APP: variants seen among roughly 807,000 people sequenced by gnomAD.
APP encodes amyloid beta precursor protein.
APP carries 31 observed loss-of-function variants against 101.4 expected under a neutral mutation model. That is an observed-to-expected ratio of 0.31 (90% CI 0.23 to 0.41). The LOEUF (loss-of-function observed/expected upper bound fraction) is 0.41. Among genes scored for constraint, APP ranks in the 10% least tolerant of loss-of-function variants. The probability of loss-of-function intolerance (pLI) is 1.00; values close to 1 mark genes in which losing one functional copy is unlikely to be tolerated. For missense variants in APP, 839 were observed against 1,003.7 expected (o/e 0.84, Z 2.22); for synonymous variants, 366 against 364.4 (o/e 1.00, Z -0.05).
Position 26,004,898 on chromosome 21 carries a change from CAG to C in APP, c.866-4718_866-4717del, listed in dbSNP as rs530737663. 2.9e-3 allele frequency among the ~76,000 whole-genome samples: 430 copies of C among 146,216 alleles called. 6 individuals are homozygous for C. Among genetic ancestry groups the C allele is most frequent in the African/African-American group, 0.01 (413 of 39,624 alleles). On this transcript the variant is annotated intron_variant, in intron 6 of 17. Coordinates refer to ENST00000346798, the MANE Select transcript of APP (RefSeq NM_000484.4). ...ATTTCCACCTATGAGTGAGAACATGCAGAGTTTGGTTTTCTGTCCTTGTGATA... is the reference window on the plus strand; with the variant it reads ...ATTTCCACCTATGAGTGAGAACATGCAGTTTGGTTTTCTGTCCTTGTGATA...
intron 13 of APP, among the ~76,000 whole-genome samples, chr21:25,930,294 T>C (rs756445441): frequency 3.3e-5 from 5 of 152,190 alleles, no homozygotes; most frequent in African/African-American, 1.2e-4. Flanking sequence ...AGAAGGATCC[T>C]GGGGCGGGCC....
chr21:26,051,659 T>C (rs1341257193), intron 4 of APP, among the ~76,000 whole-genome samples: 1 of 152,208 alleles, frequency 6.6e-6, no homozygotes, highest in Non-Finnish European at 1.5e-5. Context: ...CTTGGTTCAC[T>C]TTCAGAGTAA....
chr21:26,150,597 C>CTAGATAGATAGATAGATAGA (rs767289054), intron 1 of APP, among the ~76,000 whole-genome samples: 6 of 83,376 alleles, frequency 7.2e-5, no homozygotes, highest in Admixed American at 1.2e-4. Context: ...TGATTGACAT[C>CTAGATAGATAGATAGATAGA]TAGATAGACA....
At chr21:26,016,160 A>G (rs1214267046) in intron 6 of APP, among the ~76,000 whole-genome samples, 1 of 151,978 alleles carries the variant, frequency 6.6e-6, no homozygotes, top group African/African-American at 2.4e-5. Flanking sequence ...CCACCTGAGT[A>G]GCTGGGATTA....
At chr21:26,130,239 T>C (rs1268342858) in intron 1 of APP, among the ~76,000 whole-genome samples, 1 of 152,270 alleles carries the variant, frequency 6.6e-6, no homozygotes, top group African/African-American at 2.4e-5. Context: ...CATGTACTGC[T>C]TTTTTAAAAA....
intron 3 of APP, among the ~76,000 whole-genome samples, chr21:26,073,582 A>C (rs1476562249): frequency 6.6e-6 from 1 of 152,198 alleles, no homozygotes; most frequent in Non-Finnish European, 1.5e-5. Context: ...GCGAGGGTGG[A>C]AGTTAAAGGA....
intron 6 of APP, among the ~76,000 whole-genome samples, chr21:26,012,882 A>C (rs1407688844): frequency 1.3e-5 from 2 of 152,188 alleles, no homozygotes; most frequent in African/African-American, 2.4e-5. Context: ...CTGAGGCAGG[A>C]GAATTGAGAA....
At chr21:26,007,401 CTT>C (rs920197210) in intron 6 of APP, among the ~76,000 whole-genome samples, 4 of 145,916 alleles carry the variant, frequency 2.7e-5, no homozygotes, top group Middle Eastern at 4.0e-3. Context: ...TATATAAAAA[CTT>C]TATAATTTAT....
intron 13 of APP, chr21:25,928,906 G>C (rs778957215): frequency 6.8e-6 from 1 of 147,770 alleles, no homozygotes; most frequent in African/African-American, 2.7e-5. Flanking sequence ...ATTTTTAGTA[G>C]AGACAGGGTT....
At chr21:26,168,568 G>A (rs1569058030) in intron 1 of APP, among the ~76,000 whole-genome samples, 1 of 151,532 alleles carries the variant, frequency 6.6e-6, no homozygotes, top group Non-Finnish European at 1.5e-5. Context: ...TTTTTATACA[G>A]AAAGAAATAT....
intron 3 of APP, among the ~76,000 whole-genome samples, chr21:26,072,620 G>C (rs141412852): frequency 2.4e-3 from 366 of 151,830 alleles, no homozygotes; most frequent in African/African-American, 8.5e-3. Flanking sequence ...TTACATACTA[G>C]TTGTTATTTA....
intron 2 of APP, among the ~76,000 whole-genome samples, chr21:26,094,995 A>G (rs1242478483): frequency 6.6e-6 from 1 of 152,006 alleles, no homozygotes; most frequent in African/African-American, 2.4e-5. Context: ...ACAGGCACCC[A>G]CTACCACACC....
At chr21:26,111,541 G>A (rs960969956) in intron 2 of APP, among the ~76,000 whole-genome samples, 3 of 151,932 alleles carry the variant, frequency 2.0e-5, no homozygotes, top group Non-Finnish European at 4.4e-5. Context: ...GTTTCAGACA[G>A]CCTGGCCAAC....
At chr21:26,134,164 T>G (rs73168387) in intron 1 of APP, among the ~76,000 whole-genome samples, 1 of 152,090 alleles carries the variant, frequency 6.6e-6, no homozygotes, top group African/African-American at 2.4e-5. Context: ...TTTGTAGAGA[T>G]GAGGTCTCCC....
In APP at chr21:26,101,669, A is replaced by G. The variant is rs192970217; in HGVS notation, c.225+10310T>C. On this transcript the variant is annotated intron_variant, in intron 2 of 17. Transcript: ENST00000346798. The stretch of plus-strand genomic sequence containing the variant: ...GATCTCCCACAATGCTTTTCACACT[A>G]TTATTTTGTAATTTGAATTCCTTCT... Among the ~76,000 whole-genome samples the G allele has an allele frequency of 4.6e-5, 7 of 152,190 alleles. No individual in the cohort carries two copies. In the East Asian group the frequency reaches 5.8e-4, roughly 13 times the overall value.
intron 11 of APP, among the ~76,000 whole-genome samples, chr21:25,963,570 G>T (rs1408871256): frequency 6.6e-6 from 1 of 152,140 alleles, no homozygotes; most frequent in Non-Finnish European, 1.5e-5. Flanking sequence ...TTCCAAAACT[G>T]AACAAAGCAA....
chr21:26,153,747 T>C (rs1192025661), intron 1 of APP, among the ~76,000 whole-genome samples: 1 of 152,222 alleles, frequency 6.6e-6, no homozygotes, highest in Non-Finnish European at 1.5e-5. Flanking sequence ...AAGGTTGATA[T>C]TTCCTTTGTG....
intron 13 of APP, among the ~76,000 whole-genome samples, chr21:25,912,237 C>A (rs896485913): frequency 6.6e-6 from 1 of 152,218 alleles, no homozygotes; most frequent in South Asian, 2.1e-4. Context: ...TGTGCTGCAG[C>A]GTGGCACTGC....
chr21:25,955,993 GTCC>G (rs990362936), intron 11 of APP, among the ~76,000 whole-genome samples: 3 of 152,086 alleles, frequency 2.0e-5, no homozygotes, highest in Non-Finnish European at 2.9e-5. Flanking sequence ...TATGATGACT[GTCC>G]TCCTTACTCA....
Sources: allele counts gnomAD v4.1 joint callset (sites outside exome capture counted in the v4.1 genomes callset), GRCh38; gene constraint gnomAD v4.1.1; transcripts MANE v1.5; gene names NCBI Gene and HGNC (gene_info 2026-07-23, HGNC 2026-07-21).